The following SCAF1 variants were observed in gnomAD, a reference collection of about 807,000 sequenced individuals.
SCAF1 encodes splicing factor, arginine/serine-rich 19.
A neutral mutation model predicts 91.2 loss-of-function variants in SCAF1; 28 were observed. That is an observed-to-expected ratio of 0.31 (90% CI 0.23 to 0.42). The LOEUF (loss-of-function observed/expected upper bound fraction) is 0.42. Ranked by LOEUF, SCAF1 falls within the 10% of genes least tolerant of loss-of-function variation. The probability of loss-of-function intolerance (pLI) is 1.00; values close to 1 mark genes in which losing one functional copy is unlikely to be tolerated. For missense variants in SCAF1, 1,893 were observed against 1,872.1 expected (o/e 1.01, Z -0.21); for synonymous variants, 1,036 against 833.7 (o/e 1.24, Z -4.18).
In SCAF1 at chr19:49,653,482, G is replaced by A. The variant is rs771833019; in HGVS notation, c.3093G>A (p.Glu1031=). Residue 1031 remains glutamate, a synonymous_variant, in exon 7 of 11, where the codon GAG becomes GAA. Coordinates refer to ENST00000360565, the MANE Select transcript of SCAF1 (RefSeq NM_021228.3). ...AEEEEEEEEE[E]EEEEEEEEQQ... Reference sequence around the variant, plus strand: ...AGGAGGAGGAGGAAGAAGAAGAGGAGGAGGAAGAGGAAGAGGAGGAGGAGC... The same window carrying A: ...AGGAGGAGGAGGAAGAAGAAGAGGAAGAGGAAGAGGAAGAGGAGGAGGAGC... The A allele has an allele frequency of 6.7e-5, 104 of 1,558,774 alleles. No homozygotes were observed. The African/African-American group carries it at 1.2e-3, about 18-fold the overall frequency.
Position 49,654,354 on chromosome 19 carries a change from G to A in SCAF1, c.3322G>A (p.Ala1108Thr). The change falls in exon 8 of 11, where the codon GCA (alanine) becomes ACA (threonine). Residue 1108 changes from alanine to threonine, a missense_variant. Transcript: ENST00000360565. ...CACCTCTCTGCCTCCTGCAGTGACT[G>A]CACTTCTCTTCAAGATGGAAGAAGC... ...CTTSGVLALT[A>T]LLFKMEEANL... 2 of 1,613,426 alleles carry A rather than the reference G, an allele frequency of 1.2e-6. No individual in the cohort carries two copies. The highest frequency in any genetic ancestry group is 1.7e-6 in the Non-Finnish European group (2 of 1,179,906).
In SCAF1 at chr19:49,658,238, C is replaced by G. The variant is rs1172133148; in HGVS notation, c.3778C>G (p.Pro1260Ala). The G allele has an allele frequency of 6.2e-7, 1 of 1,613,616 alleles. No homozygotes were observed. The highest frequency in any genetic ancestry group is 1.7e-5 in the Admixed American group (1 of 59,980). Residue 1260 changes from proline to alanine, a missense_variant, in exon 11 of 11, where the codon CCA (proline) becomes GCA (alanine). By Grantham distance (27) the Pro-to-Ala change is conservative (BLOSUM62 -1). Transcript: ENST00000360565. ...ICHSKSGEIN[P>A]VKVSNLVRAY... is the part of the protein sequence containing the mutation. ...CCACAGCAAAAGTGGGGAAATCAACCCAGTGAAGGTGAGCAACCTGGTGCG... is the reference window on the plus strand; with the variant it reads ...CCACAGCAAAAGTGGGGAAATCAACGCAGTGAAGGTGAGCAACCTGGTGCG...
intron 9 of SCAF1, among the ~76,000 whole-genome samples, chr19:49,655,685 GA>G (rs2081134707): frequency 6.6e-6 from 1 of 152,106 alleles, no homozygotes; most frequent in Non-Finnish European, 1.5e-5. Context: ...TGGTTTTTGA[GA>G]CAGGGTCTCG....
At chr19:49,647,704 T>C (rs2081063401) in intron 6 of SCAF1, among the ~76,000 whole-genome samples, 1 of 152,214 alleles carries the variant, frequency 6.6e-6, no homozygotes, top group Non-Finnish European at 1.5e-5. Flanking sequence ...TAATCTCAGC[T>C]CACTGCAACC....
chr19:49,654,484 C>G, intron 8 of SCAF1, 53 bp downstream of exon 8: 4 of 1,561,704 alleles, frequency 2.6e-6, no homozygotes, highest in Non-Finnish European at 3.5e-6. Flanking sequence ...TCCATTGCCT[C>G]GGGTTAGGAG....
chr19:49,655,691 G>T lies in SCAF1; in HGVS notation c.3618+821G>T, dbSNP rs568711291. 2.6e-5 allele frequency among the ~76,000 whole-genome samples: 4 copies of T among 152,178 alleles called. No individual in the cohort carries two copies. The East Asian group carries it at 7.7e-4, about 29-fold the overall frequency. ...TTGGTTGGTTGGTTTTTGAGACAGG[G>T]TCTCGCTTTGTCACCCAAGCTGGCA... is the stretch of plus-strand genomic sequence containing the variant. On this transcript the variant is annotated intron_variant, in intron 9 of 10. Transcript: ENST00000360565.
At position 49,654,727 on chromosome 19, in the gene SCAF1, C is replaced by T; in HGVS notation, c.3475C>T (p.Pro1159Ser). 1.9e-6 allele frequency: 3 copies of T among 1,614,062 alleles called. No individual in the cohort carries two copies. Among genetic ancestry groups the T allele is most frequent in the Non-Finnish European group, 2.5e-6 (3 of 1,179,974 alleles). The part of the protein sequence containing the change: ...APVPTSLGLP[P>S]GPSSYLLPGS... ...TGTGCCCACCTCTTTGGGTCTGCCC[C>T]CTGGCCCCTCCAGCTACCTGCTTCC... The change falls in exon 9 of 11, where the codon CCT becomes TCT. Residue 1159 changes from proline to serine, a missense_variant. This residue lies in a region of SCAF1 where 1,436 missense variants were observed against 1,306.8 expected (regional missense o/e 1.10). Transcript: ENST00000360565.
rs992286167 is a variant in SCAF1 at position 49,642,946 on chromosome 19, G to A, written c.-7+704G>A. Among the ~76,000 whole-genome samples the A allele has an allele frequency of 1.1e-4, 16 of 152,344 alleles. No homozygotes were observed. Among genetic ancestry groups the A allele is most frequent in the African/African-American group, 3.6e-4 (15 of 41,586 alleles). On this transcript the variant is annotated intron_variant, in intron 1 of 10. Coordinates refer to ENST00000360565, the MANE Select transcript of SCAF1 (RefSeq NM_021228.3). The surrounding 1 kb of genome is among the most constrained non-coding windows in gnomAD (Gnocchi z 4.0). Reference sequence around the variant, plus strand: ...TCTAATAATGGGTGACAGGAGGCTGGGGGCAGTTAGAAGGACCTGGAACCA... The same window carrying A: ...TCTAATAATGGGTGACAGGAGGCTGAGGGCAGTTAGAAGGACCTGGAACCA...
Position 49,652,165 on chromosome 19 carries a change from C to T in SCAF1, c.1776C>T (p.Arg592=), listed in dbSNP as rs2081099392. The change falls in exon 7 of 11, where the codon CGC becomes CGT. Residue 592 remains arginine, a synonymous_variant. Coordinates refer to ENST00000360565, the MANE Select transcript of SCAF1 (RefSeq NM_021228.3). ...STRRRSRSTD[R]RRGGSRRSRS... The stretch of plus-strand genomic sequence containing the variant: ...GCCGCCGCTCGCGCAGCACCGACCG[C>T]CGCCGCGGGGGCAGCCGCAGGTCGC... The T allele has an allele frequency of 3.5e-6, 4 of 1,127,986 alleles. No individual in the cohort carries two copies. Among genetic ancestry groups the T allele is most frequent in the African/African-American group, 1.7e-5 (1 of 59,174 alleles). The allele number at this position is 1,127,986 out of a possible 1,614,324, so 69.9% of individuals were successfully genotyped here. A position where few individuals can be genotyped will look rare whatever the true frequency, so the allele number is the denominator to read the frequency against.
At position 49,652,247 on chromosome 19, in the gene SCAF1, T is replaced by A. The variant is rs914007421; in HGVS notation, c.1858T>A (p.Ser620Thr). The A allele has an allele frequency of 2.1e-6, 3 of 1,411,346 alleles. No homozygotes were observed. The highest frequency in any genetic ancestry group is 3.0e-5 in the African/African-American group (2 of 65,982). The allele number at this position is 1,411,346 out of a possible 1,614,324, so 87.4% of individuals were successfully genotyped here. The change falls in exon 7 of 11, where the codon TCC becomes ACC. Residue 620 changes from serine (S) to threonine (T), a missense_variant. Physicochemically the swap from Ser to Thr is moderately conservative, Grantham distance 58 (BLOSUM62 1). This residue lies in a region of SCAF1 where 1,436 missense variants were observed against 1,306.8 expected (regional missense o/e 1.10). Transcript: ENST00000360565. ...RRSASPPPAT[S>T]SSSSSRRERH... ...CTCCGCCTCCCCGCCCCCGGCCACT[T>A]CCTCATCGTCGTCCTCGAGGCGCGA... is the stretch of plus-strand genomic sequence containing the variant.
At position 49,645,425 on chromosome 19, in the gene SCAF1, C is replaced by T. The variant is rs373562996; in HGVS notation, c.166+14C>T. The T allele has an allele frequency of 1.4e-5, 22 of 1,611,998 alleles. No homozygotes were observed. Among genetic ancestry groups the T allele is most frequent in the African/African-American group, 8.0e-5 (6 of 74,932 alleles). On this transcript the variant is annotated intron_variant, in intron 3 of 10. Transcript: ENST00000360565. This position sits in a 1 kb window ranked among gnomAD's most constrained non-coding sequence, Gnocchi z 4.6. ...CCAATGATAAAGGTATGGCGGCTTC[C>T]GGTTCCTTTTAGCCCCTGCCCCCTC...
intron 9 of SCAF1, among the ~76,000 whole-genome samples, chr19:49,657,387 C>G (rs1330720233): frequency 1.3e-5 from 2 of 152,074 alleles, no homozygotes; most frequent in East Asian, 3.9e-4. Flanking sequence ...AAGCCCTGTG[C>G]AGTTTTCTAC....
chr19:49,646,422 G>A lies in SCAF1; in HGVS notation c.262-104G>A. On this transcript the variant is annotated intron_variant, in intron 4 of 10. Coordinates refer to ENST00000360565, the MANE Select transcript of SCAF1 (RefSeq NM_021228.3). This position sits in a 1 kb window ranked among gnomAD's most constrained non-coding sequence, Gnocchi z 5.6. ...GAATTAGATCCTCAGTTTTCTTGGGGATCTTAGATGTCTGGGTTCCTGAGA... is the reference window on the plus strand; with the variant it reads ...GAATTAGATCCTCAGTTTTCTTGGGAATCTTAGATGTCTGGGTTCCTGAGA... 9.4e-7 allele frequency: 1 copy of A among 1,059,872 alleles called. No homozygotes were observed. Among genetic ancestry groups the A allele is most frequent in the Non-Finnish European group, 1.4e-6 (1 of 696,290 alleles). The allele number at this position is 1,059,872 out of a possible 1,614,324, so 65.7% of individuals were successfully genotyped here.
chr19:49,652,915 C>T lies in SCAF1; in HGVS notation c.2526C>T (p.Arg842=), dbSNP rs551927652. 5 of 1,613,848 alleles carry T rather than the reference C, an allele frequency of 3.1e-6. No homozygotes were observed. The African/African-American group carries it at 6.7e-5, about 22-fold the overall frequency. Residue 842 remains arginine, a synonymous_variant, in exon 7 of 11, where the codon CGC becomes CGT. Coordinates refer to ENST00000360565, the MANE Select transcript of SCAF1 (RefSeq NM_021228.3). Reference sequence around the variant, plus strand: ...AGTCCAAGGTGGCGGTGCTGATCCGCGAGGGTGTCAGCAGCACCACCCCGG... The same window carrying T: ...AGTCCAAGGTGGCGGTGCTGATCCGTGAGGGTGTCAGCAGCACCACCCCGG... ...KLQSKVAVLI[R]EGVSSTTPAK...
chr19:49,653,246 G>A lies in SCAF1; in HGVS notation c.2857G>A (p.Ala953Thr), dbSNP rs912869033. 1.3e-6 allele frequency: 2 copies of A among 1,493,994 alleles called. No individual in the cohort carries two copies. The highest frequency in any genetic ancestry group is 8.9e-7 in the Non-Finnish European group (1 of 1,120,298). 92.5% of individuals were successfully genotyped at this position (1,493,994 alleles called of 1,614,324 possible). The change falls in exon 7 of 11, where the codon GCG becomes ACG. Residue 953 changes from alanine (A) to threonine (T), a missense_variant. Coordinates refer to ENST00000360565, the MANE Select transcript of SCAF1 (RefSeq NM_021228.3). ...KKSKADSCSQAAGTKGAEETS... is the reference protein window; with the variant it reads ...KKSKADSCSQTAGTKGAEETS... The stretch of plus-strand genomic sequence containing the variant: ...GTCCAAGGCGGATAGCTGCAGCCAG[G>A]CGGCAGGCACCAAGGGGGCGGAGGA...
rs143626343 is a variant in SCAF1, at chr19:49,653,089, C to T, written c.2700C>T (p.Thr900=). The T allele has an allele frequency of 4.3e-6, 7 of 1,613,180 alleles. No homozygotes were observed. Among genetic ancestry groups the T allele is most frequent in the Non-Finnish European group, 5.1e-6 (6 of 1,179,562 alleles). ...AAPGSTKPKK[T]KVKAKAGAKK... ...CGGGCAGCACCAAGCCCAAAAAGAC[C>T]AAGGTCAAGGCCAAGGCAGGGGCCA... The change falls in exon 7 of 11, where the codon ACC becomes ACT. Residue 900 remains threonine, a synonymous_variant. Transcript: ENST00000360565.
In SCAF1 at chr19:49,645,988, G is replaced by T; in HGVS notation, c.167-120G>T. ...CTGGGAGGTGGCGCATGGAGGCCTG[G>T]AGAGCATGCGGGAGGCTGGTTCCGC... On this transcript the variant is annotated intron_variant, in intron 3 of 10. Transcript: ENST00000360565. This position sits in a 1 kb window ranked among gnomAD's most constrained non-coding sequence, Gnocchi z 4.6. The T allele has an allele frequency of 1.1e-6, 1 of 878,670 alleles. No individual in the cohort carries two copies. Among genetic ancestry groups the T allele is most frequent in the Non-Finnish European group, 1.8e-6 (1 of 545,450 alleles). The allele number at this position is 878,670 out of a possible 1,614,324, so 54.4% of individuals were successfully genotyped here.
chr19:49,652,330 G>C lies in SCAF1; in HGVS notation c.1941G>C (p.Ser647=). 6.5e-7 allele frequency: 1 copy of C among 1,534,748 alleles called. No individual in the cohort carries two copies. Among genetic ancestry groups the C allele is most frequent in the South Asian group, 1.2e-5 (1 of 83,186 alleles). ...GGGSKKKKKR[S]RSRGEKRSGD... ...GCAGCAAGAAGAAGAAGAAGCGGTC[G>C]CGGTCCCGGGGTGAGAAGCGGTCTG... is the stretch of plus-strand genomic sequence containing the variant. The change falls in exon 7 of 11, where the codon TCG becomes TCC. Residue 647 remains serine, a synonymous_variant. Transcript: ENST00000360565.
At chr19:49,649,380 C>T (rs891369689) in intron 6 of SCAF1, among the ~76,000 whole-genome samples, 2 of 152,170 alleles carry the variant, frequency 1.3e-5, no homozygotes, top group South Asian at 2.1e-4. Flanking sequence ...GCTCTTTCTG[C>T]GCACTCATCT....
Sources: allele counts gnomAD v4.1 joint callset (sites outside exome capture counted in the v4.1 genomes callset), GRCh38; gene constraint gnomAD v4.1.1; regional missense constraint gnomAD v4.1.1; non-coding constraint Gnocchi (gnomAD v3.1); transcripts MANE v1.5; gene names NCBI Gene and HGNC (gene_info 2026-07-23, HGNC 2026-07-21).